VWA8: variants seen among roughly 807,000 people sequenced by gnomAD.
The protein encoded by VWA8 is von Willebrand factor A domain-containing protein 8.
VWA8 carries 221 observed loss-of-function variants against 241.5 expected under a neutral mutation model. The observed-to-expected ratio is 0.91, with a 90% confidence interval of 0.82 to 1.02. VWA8 has a LOEUF of 1.02. Ranked by LOEUF, VWA8 falls within the 50% of genes least tolerant of loss-of-function variation. The pLI is 0.00. For missense variants in VWA8, 2,322 were observed against 2,328.7 expected, an observed-to-expected ratio of 1.00 and a Z score of 0.06; for synonymous variants, 852 against 827.1, an observed-to-expected ratio of 1.03 and a Z score of -0.52.
intron 20 of VWA8, among the ~76,000 whole-genome samples, chr13:41,761,741 A>G (rs1291144459): frequency 1.3e-5 from 2 of 152,218 alleles, no homozygotes; most frequent in East Asian, 1.9e-4. Flanking sequence ...ACCAAGGTGT[A>G]TTAATAAAAC....
At chr13:41,852,018 T>C (rs1566481556) in intron 12 of VWA8, among the ~76,000 whole-genome samples, 3 of 152,336 alleles carry the variant, frequency 2.0e-5, no homozygotes, top group East Asian at 1.9e-4. Context: ...CTATTTTCTA[T>C]AATGTATGTA....
At chr13:41,899,841 A>G (rs1189030711) in intron 4 of VWA8, among the ~76,000 whole-genome samples, 1 of 152,234 alleles carries the variant, frequency 6.6e-6, no homozygotes, top group Non-Finnish European at 1.5e-5. Flanking sequence ...TTTCTGCCCA[A>G]TAGAGGCCCA....
intron 12 of VWA8, among the ~76,000 whole-genome samples, chr13:41,862,309 G>A (rs541285599): frequency 1.3e-5 from 2 of 152,284 alleles, no homozygotes; most frequent in East Asian, 3.9e-4. Flanking sequence ...AAATAGGTTA[G>A]AGACTTAAAT....
At chr13:41,617,980 T>C (rs1410004501) in intron 37 of VWA8, among the ~76,000 whole-genome samples, 2 of 152,210 alleles carry the variant, frequency 1.3e-5, no homozygotes, top group African/African-American at 4.8e-5. Flanking sequence ...TATAATCCTT[T>C]GGGTATATAC....
intron 40 of VWA8, among the ~76,000 whole-genome samples, chr13:41,600,281 T>TA (rs1382318413): frequency 2.0e-5 from 3 of 152,114 alleles, no homozygotes; most frequent in African/African-American, 7.2e-5. Flanking sequence ...AAGACTGAGT[T>TA]AGAGATGCCC....
At chr13:41,960,718 C>T in intron 1 of VWA8, 135 bp downstream of exon 1, 15 of 1,293,696 alleles carry the variant, frequency 1.2e-5, no homozygotes, top group Non-Finnish European at 1.4e-5. Flanking sequence ...ACTAGAACCT[C>T]AATCTTTCAG....
At chr13:41,760,146 G>A (rs1296153775) in intron 21 of VWA8, among the ~76,000 whole-genome samples, 1 of 151,714 alleles carries the variant, frequency 6.6e-6, no homozygotes, top group African/African-American at 2.4e-5. Flanking sequence ...TAGTTGTTCA[G>A]CTCAAAGATC....
At position 41,701,396 on chromosome 13, in the gene VWA8, T is replaced by G; in HGVS notation, c.3360A>C (p.Ser1120=). Residue 1120 remains serine (S), a synonymous_variant, in exon 28 of 45, where the codon TCA becomes TCC. Coordinates refer to ENST00000379310, the MANE Select transcript of VWA8 (RefSeq NM_015058.2). ...EINIICDIAT[S]HENEQNTLYV... ...CAAAAGAATAAGCAGACATACCATG[T>G]GATGTAGCAATGTCACAGATTATAT... 6.3e-7 allele frequency: 1 copy of G among 1,599,148 alleles called. No individual in the cohort carries two copies. Among genetic ancestry groups the G allele is most frequent in the Non-Finnish European group, 8.5e-7 (1 of 1,174,966 alleles).
At chr13:41,744,622 A>C (rs146332422) in intron 21 of VWA8, among the ~76,000 whole-genome samples, 59 of 149,686 alleles carry the variant, frequency 3.9e-4, no homozygotes, top group African/African-American at 1.4e-3. Flanking sequence ...CACCATTTTA[A>C]ATCTAATTGA....
At chr13:41,589,563 C>G (rs556171129) in intron 41 of VWA8, among the ~76,000 whole-genome samples, 41 of 152,286 alleles carry the variant, frequency 2.7e-4, no homozygotes, top group African/African-American at 9.4e-4. Context: ...GAAGCAGCAT[C>G]AAGGTCTCAC....
intron 28 of VWA8, among the ~76,000 whole-genome samples, chr13:41,700,928 A>G (rs1197654745): frequency 6.6e-6 from 1 of 152,226 alleles, no homozygotes; most frequent in Non-Finnish European, 1.5e-5. Context: ...TGCATGAATC[A>G]GTAGGTAATG....
intron 2 of VWA8, among the ~76,000 whole-genome samples, chr13:41,933,908 T>C (rs542452438): frequency 6.6e-6 from 1 of 151,874 alleles, no homozygotes; most frequent in Non-Finnish European, 1.5e-5. Flanking sequence ...TTAACAAAGA[T>C]TTTTTAGGAT....
chr13:41,893,528 AG>A (rs1449197555), intron 4 of VWA8, among the ~76,000 whole-genome samples: 3 of 152,112 alleles, frequency 2.0e-5, no homozygotes, highest in Non-Finnish European at 2.9e-5. Flanking sequence ...AACAAAAAAA[AG>A]AATCTCATTT....
chr13:41,816,761 A>G lies in VWA8; in HGVS notation c.1884T>C (p.Pro628=). The change falls in exon 16 of 45, where the codon CCT becomes CCC. Residue 628 remains proline (P), a synonymous_variant. Coordinates refer to ENST00000379310, the MANE Select transcript of VWA8 (RefSeq NM_015058.2). ...QVIKEKVPNV[P]QEALDKLLSF... Reference sequence around the variant, plus strand: ...ATAATAACTTATCCAGAGCTTCCTGAGGTACATTTGGGACCTATTTTTTGA... The same window carrying G: ...ATAATAACTTATCCAGAGCTTCCTGGGGTACATTTGGGACCTATTTTTTGA... 1 of 1,613,420 alleles carries G rather than the reference A, an allele frequency of 6.2e-7. No individual in the cohort carries two copies. The highest frequency in any genetic ancestry group is 2.2e-5 in the East Asian group (1 of 44,800).
chr13:41,864,902 T>C (rs766336602), intron 12 of VWA8, among the ~76,000 whole-genome samples: 1 of 150,496 alleles, frequency 6.6e-6, no homozygotes, highest in East Asian at 2.0e-4. Context: ...GCAGAAGAAT[T>C]GCTTGAACCC....
intron 17 of VWA8, among the ~76,000 whole-genome samples, chr13:41,810,639 T>C (rs189488038): frequency 2.7e-4 from 41 of 151,974 alleles, no homozygotes; most frequent in African/African-American, 6.5e-4. Flanking sequence ...GTAGTGAGAA[T>C]TGGGGAAGGG....
intron 2 of VWA8, among the ~76,000 whole-genome samples, chr13:41,931,768 G>A (rs1417002113): frequency 4.6e-5 from 7 of 151,862 alleles, no homozygotes; most frequent in African/African-American, 1.7e-4. Flanking sequence ...TTTTTGAACT[G>A]AATGAAAGTG....
Position 41,678,546 on chromosome 13 carries a change from C to T in VWA8, c.4328-3250G>A, listed in dbSNP as rs145940938. On this transcript the variant is annotated intron_variant, in intron 35 of 44. Coordinates refer to ENST00000379310, the MANE Select transcript of VWA8 (RefSeq NM_015058.2). The stretch of plus-strand genomic sequence containing the variant: ...GCTATAGAGATGAGTGGAGCTGCCT[C>T]GCTAACTAACTTACTCATATTTTGG... 1.7e-3 allele frequency among the ~76,000 whole-genome samples: 262 copies of T among 152,288 alleles called. 1 individual carries two copies. Among genetic ancestry groups the T allele is most frequent in the African/African-American group, 6.0e-3 (250 of 41,558 alleles).
chr13:41,952,787 G>A (rs914998983), intron 1 of VWA8, among the ~76,000 whole-genome samples: 8 of 152,024 alleles, frequency 5.3e-5, no homozygotes, highest in African/African-American at 1.9e-4. Flanking sequence ...TCACATTTCT[G>A]AAAGACAGTA....
Sources: allele counts gnomAD v4.1 joint callset (sites outside exome capture counted in the v4.1 genomes callset), GRCh38; gene constraint gnomAD v4.1.1; transcripts MANE v1.5; gene names NCBI Gene and HGNC (gene_info 2026-07-23, HGNC 2026-07-21).